Variants in ADAMTSL1 observed in about 807,000 individuals in gnomAD.
The protein encoded by ADAMTSL1 is ADAMTS like 1.
ADAMTSL1 carries 126 observed loss-of-function variants against 201.8 expected under a neutral mutation model. The ratio of observed to expected loss-of-function variants is 0.62; its 90% CI spans 0.54 to 0.72. ADAMTSL1 has a LOEUF of 0.72. Among genes scored for constraint, ADAMTSL1 ranks in the 30% least tolerant of loss-of-function variants. The pLI is 0.00. For missense variants in ADAMTSL1, 2,679 were observed against 2,277.8 expected (o/e 1.18, Z -3.59); for synonymous variants, 1,121 against 903.4 (o/e 1.24, Z -4.32).
chr9:18,207,029 G>A (rs1264635445), intron 2 of ADAMTSL1, among the ~76,000 whole-genome samples: 1 of 152,078 alleles, frequency 6.6e-6, no homozygotes, highest in Admixed American at 6.6e-5. Context: ...GCTGGGCGTC[G>A]TGGTGCATGC....
chr9:18,040,969 T>G (rs1227228477), intron 1 of ADAMTSL1, among the ~76,000 whole-genome samples: 2 of 152,172 alleles, frequency 1.3e-5, no homozygotes, highest in Non-Finnish European at 1.5e-5. Flanking sequence ...TTAATGAAAA[T>G]TTCAATTTCT....
intron 2 of ADAMTSL1, among the ~76,000 whole-genome samples, chr9:18,255,374 G>T (rs1203143469): frequency 6.6e-6 from 1 of 152,080 alleles, no homozygotes; most frequent in Non-Finnish European, 1.5e-5. Context: ...AAAGAATGAG[G>T]CTTTGATAGT....
intron 1 of ADAMTSL1, among the ~76,000 whole-genome samples, chr9:18,136,459 G>A (rs988141164): frequency 5.9e-5 from 9 of 152,056 alleles, no homozygotes; most frequent in South Asian, 2.1e-4. Context: ...AACAGTCCCT[G>A]ACGTTGTAGG....
intron 1 of ADAMTSL1, among the ~76,000 whole-genome samples, chr9:18,147,426 C>A: frequency 6.6e-6 from 1 of 152,088 alleles, no homozygotes; most frequent in Non-Finnish European, 1.5e-5. Context: ...CCACTTAGCA[C>A]CTATTGGACA....
chr9:18,536,088 A>G lies in ADAMTSL1; in HGVS notation c.237+2796A>G, dbSNP rs1282727072. Among the ~76,000 whole-genome samples the G allele has an allele frequency of 1.3e-5, 2 of 152,158 alleles. 1 individual carries two copies. The highest frequency in any genetic ancestry group is 2.9e-5 in the Non-Finnish European group (2 of 68,020). On this transcript the variant is annotated intron_variant, in intron 3 of 28. Transcript: ENST00000380548. ...GAATCTTCAAATAATTTGAAGCTTT[A>G]TTTTCTTGCTTTTAGTGATAACAGA...
intron 16 of ADAMTSL1, among the ~76,000 whole-genome samples, chr9:18,756,148 G>A (rs144456428): frequency 0.013 from 1,575 of 124,556 alleles, 43 homozygotes; most frequent in African/African-American, 0.045. Context: ...GTGTGGTGGC[G>A]GGCACCTGTA....
chr9:18,803,129 G>A (rs1203230387), intron 20 of ADAMTSL1, among the ~76,000 whole-genome samples: 1 of 152,182 alleles, frequency 6.6e-6, no homozygotes, highest in East Asian at 1.9e-4. Context: ...AGTTCTGTAG[G>A]TCAGAAGTCT....
At chr9:18,454,469 T>C (rs536296818) in intron 2 of ADAMTSL1, among the ~76,000 whole-genome samples, 1 of 152,308 alleles carries the variant, frequency 6.6e-6, no homozygotes, top group South Asian at 2.1e-4. Context: ...AATAATGCTT[T>C]ACCAGTTCTC....
chr9:17,944,496 C>T (rs1046586097), intron 1 of ADAMTSL1, among the ~76,000 whole-genome samples: 22 of 151,844 alleles, frequency 1.4e-4, no homozygotes, highest in African/African-American at 3.9e-4. Flanking sequence ...AAAAAGAGCC[C>T]GCATCATCAA....
intron 2 of ADAMTSL1, among the ~76,000 whole-genome samples, chr9:18,367,589 A>G (rs572918775): frequency 1.2e-4 from 18 of 152,074 alleles, no homozygotes; most frequent in South Asian, 6.2e-4. Context: ...ATATATATAT[A>G]TGATAGCTAT....
At chr9:18,522,664 C>A (rs1329224768) in intron 2 of ADAMTSL1, among the ~76,000 whole-genome samples, 1 of 146,680 alleles carries the variant, frequency 6.8e-6, no homozygotes, top group Non-Finnish European at 1.5e-5. Context: ...CTGTTCAATT[C>A]CCACCTATGA....
At chr9:18,273,189 C>G (rs1244230781) in intron 2 of ADAMTSL1, among the ~76,000 whole-genome samples, 1 of 152,162 alleles carries the variant, frequency 6.6e-6, no homozygotes, top group South Asian at 2.1e-4. Context: ...AAGTGATTCT[C>G]GTGCCTCAGC....
chr9:18,045,966 G>T (rs568427357), intron 1 of ADAMTSL1, among the ~76,000 whole-genome samples: 18 of 152,260 alleles, frequency 1.2e-4, no homozygotes, highest in African/African-American at 4.3e-4. Context: ...TGAAGAAGCC[G>T]TTTGTAATTA....
At chr9:18,019,267 G>A (rs73643494) in intron 1 of ADAMTSL1, among the ~76,000 whole-genome samples, 10,218 of 152,026 alleles carry the variant, frequency 0.067, 712 homozygotes, top group African/African-American at 0.17. Context: ...GAAATAATTT[G>A]GGGGAAGGAT....
chr9:17,978,341 T>C (rs941025994), intron 1 of ADAMTSL1, among the ~76,000 whole-genome samples: 4 of 152,072 alleles, frequency 2.6e-5, no homozygotes, highest in Admixed American at 2.6e-4. Context: ...TCCATTGTTT[T>C]CTGGCTTTTT....
intron 14 of ADAMTSL1, among the ~76,000 whole-genome samples, chr9:18,711,043 C>T (rs1224435471): frequency 6.6e-6 from 1 of 152,000 alleles, no homozygotes; most frequent in African/African-American, 2.4e-5. Flanking sequence ...TACACTTATG[C>T]ATGAGCAAGG....
intron 1 of ADAMTSL1, among the ~76,000 whole-genome samples, chr9:18,086,781 G>C (rs992624691): frequency 2.0e-5 from 3 of 152,078 alleles, no homozygotes. Context: ...GTAAAAAGTT[G>C]GGCAGTGGCC....
At chr9:18,860,280 G>T (rs569286501) in intron 23 of ADAMTSL1, among the ~76,000 whole-genome samples, 1 of 152,300 alleles carries the variant, frequency 6.6e-6, no homozygotes, top group East Asian at 1.9e-4. Context: ...TAGGCCATTT[G>T]TTCTCAGCAT....
chr9:17,999,605 C>CTT (rs71492929), intron 1 of ADAMTSL1, among the ~76,000 whole-genome samples: 31 of 147,558 alleles, frequency 2.1e-4, no homozygotes, highest in East Asian at 1.0e-3. Flanking sequence ...TTTTCAGACA[C>CTT]TTTTTTTTTT....
Sources: gnomAD v4.1 joint callset for allele counts (sites outside exome capture counted in the v4.1 genomes callset) on GRCh38, gnomAD v4.1.1 for gene constraint, MANE v1.5 for transcripts, NCBI Gene and HGNC (gene_info 2026-07-23, HGNC 2026-07-21) for gene names.